The following FGF13 variants were observed in gnomAD, a reference collection of about 807,000 sequenced individuals.
FGF13 encodes the protein fibroblast growth factor 13.
A neutral mutation model predicts 19.5 loss-of-function variants in FGF13; 2 were observed. That is an observed-to-expected ratio of 0.10 (90% CI 0.04 to 0.32). FGF13 has a LOEUF of 0.32. Ranked by LOEUF, FGF13 falls within the 10% of genes least tolerant of loss-of-function variation. FGF13 has a pLI of 1.00. For missense variants in FGF13, 113 were observed against 192.7 expected, an observed-to-expected ratio of 0.59 and a Z score of 2.45; for synonymous variants, 72 against 76.9, an observed-to-expected ratio of 0.94 and a Z score of 0.33.
intron 3 of FGF13, among the ~76,000 whole-genome samples, chrX:138,811,501 G>A (rs181685549): frequency 1.8e-5 from 2 of 110,582 alleles, no homozygotes; most frequent in Non-Finnish European, 3.8e-5. Flanking sequence ...TGTAAATGAC[G>A]AGTTAATGGG....
intron 1 of FGF13, among the ~76,000 whole-genome samples, chrX:138,938,591 C>T (rs927533701): frequency 8.1e-5 from 9 of 111,348 alleles, no homozygotes; most frequent in African/African-American, 2.6e-4. Flanking sequence ...TTATGCTACC[C>T]TCTGTTTGCT....
At chrX:138,904,238 G>T (rs1180041501) in intron 1 of FGF13, among the ~76,000 whole-genome samples, 1 of 111,510 alleles carries the variant, frequency 9.0e-6, no homozygotes, top group Non-Finnish European at 1.9e-5. Flanking sequence ...GCACAAATAA[G>T]ATTTCAAAGA....
chrX:138,654,068 C>A (rs190345295), intron 3 of FGF13, among the ~76,000 whole-genome samples: 90 of 110,926 alleles, frequency 8.1e-4, no homozygotes, highest in African/African-American at 2.8e-3. Context: ...ATAATTAGAA[C>A]CCAGTCGGGT....
In FGF13 at chrX:138,643,017, A is replaced by C. The variant is rs143072986; in HGVS notation, c.403-7362T>G. On this transcript the variant is annotated intron_variant, in intron 3 of 4. Transcript: ENST00000315930. ...GACTTTCTATATTCCTAGATATTTCATAGATATTTTAATTTACCTTATGTT... is the reference window on the plus strand; with the variant it reads ...GACTTTCTATATTCCTAGATATTTCCTAGATATTTTAATTTACCTTATGTT... Among the ~76,000 whole-genome samples the C allele has an allele frequency of 6.6e-3, 741 of 112,360 alleles. 9 individuals are homozygous for C. The highest frequency in any genetic ancestry group is 0.022 in the African/African-American group (696 of 30,950).
chrX:139,048,293 A>G lies in FGF13; in HGVS notation c.-113+155123T>C, dbSNP rs183128073. ...GCAGCAGATTCCCACAAATACCTGG[A>G]TCTGTATTCTCCATTCTGTTCCACT... On this transcript the variant is annotated intron_variant, in intron 1 of 2. Coordinates refer to the FGF13 transcript ENST00000421460. Among the ~76,000 whole-genome samples the G allele has an allele frequency of 3.1e-4, 35 of 111,372 alleles. 2 individuals are homozygous for G. The highest frequency in any genetic ancestry group is 1.1e-3 in the African/African-American group (35 of 30,667).
At chrX:138,818,188 G>C (rs2090974207) in intron 3 of FGF13, among the ~76,000 whole-genome samples, 1 of 111,155 alleles carries the variant, frequency 9.0e-6, no homozygotes, top group Non-Finnish European at 1.9e-5. Flanking sequence ...CTACATATTT[G>C]ATTTCTCAGA....
intron 1 of FGF13, among the ~76,000 whole-genome samples, chrX:139,151,674 A>G (rs2083935681): frequency 8.9e-6 from 1 of 112,390 alleles, no homozygotes; most frequent in African/African-American, 3.2e-5. Context: ...GCTATTAAAT[A>G]TTACAAATTT....
intron 3 of FGF13, among the ~76,000 whole-genome samples, chrX:138,669,353 G>T (rs188922551): frequency 1.7e-3 from 188 of 111,105 alleles, no homozygotes; most frequent in African/African-American, 6.0e-3. Context: ...AAATCCTACA[G>T]TTATTGTAGT....
chrX:138,894,887 G>T (rs986443845), intron 1 of FGF13, among the ~76,000 whole-genome samples: 3 of 111,849 alleles, frequency 2.7e-5, no homozygotes, highest in African/African-American at 9.7e-5. Flanking sequence ...CAATATCCCT[G>T]ATGAACACTG....
chrX:139,084,767 C>A (rs2083393200), intron 1 of FGF13, among the ~76,000 whole-genome samples: 1 of 112,370 alleles, frequency 8.9e-6, no homozygotes, highest in Non-Finnish European at 1.9e-5. Flanking sequence ...CACAAGCTAT[C>A]ATTTGTTCCT....
chrX:139,183,646 C>T (rs987109500), intron 1 of FGF13, among the ~76,000 whole-genome samples: 1 of 111,883 alleles, frequency 8.9e-6, no homozygotes, highest in Non-Finnish European at 1.9e-5. Context: ...GTAAACTTCC[C>T]GAGGCCTTGC....
At chrX:139,076,030 A>G (rs967259517) in intron 1 of FGF13, among the ~76,000 whole-genome samples, 1 of 110,424 alleles carries the variant, frequency 9.1e-6, no homozygotes, top group African/African-American at 3.3e-5. Context: ...TTCTTAAAGT[A>G]CCTTCATTTA....
chrX:139,084,167 G>T (rs1739244783), intron 1 of FGF13, among the ~76,000 whole-genome samples: 1 of 110,085 alleles, frequency 9.1e-6, no homozygotes, highest in Non-Finnish European at 1.9e-5. Context: ...TATGATAATG[G>T]AGAAAAAGAA....
At chrX:139,141,022 A>C (rs2083838819) in intron 1 of FGF13, among the ~76,000 whole-genome samples, 3 of 107,275 alleles carry the variant, frequency 2.8e-5, no homozygotes, top group African/African-American at 1.0e-4. Context: ...CTTTTCCTCG[A>C]GGTCTTTCCT....
At chrX:139,199,722 C>T (rs1017560767) in intron 1 of FGF13, among the ~76,000 whole-genome samples, 1 of 111,241 alleles carries the variant, frequency 9.0e-6, no homozygotes, top group Non-Finnish European at 1.9e-5. Context: ...TGCTTCTTAC[C>T]CAGGCCCCAA....
intron 1 of FGF13, among the ~76,000 whole-genome samples, chrX:139,031,329 CCA>C (rs1331476644): frequency 9.0e-6 from 1 of 111,362 alleles, no homozygotes; most frequent in Non-Finnish European, 1.9e-5. Context: ...AAAGGATGAA[CCA>C]ACAGAGAATC....
intron 1 of FGF13, among the ~76,000 whole-genome samples, chrX:138,963,662 T>C (rs1423977006): frequency 8.9e-6 from 1 of 112,342 alleles, no homozygotes; most frequent in Non-Finnish European, 1.9e-5. Flanking sequence ...AGGCTAGTCT[T>C]GAATTCCTGG....
chrX:139,138,066 CAAT>C (rs2083814123), intron 1 of FGF13, among the ~76,000 whole-genome samples: 1 of 112,414 alleles, frequency 8.9e-6, no homozygotes, highest in African/African-American at 3.2e-5. Context: ...TCATCATAAA[CAAT>C]AATAACAATA....
chrX:139,148,977 T>C (rs973355131), intron 1 of FGF13, among the ~76,000 whole-genome samples: 2 of 111,352 alleles, frequency 1.8e-5, no homozygotes, highest in Non-Finnish European at 3.8e-5. Flanking sequence ...TTGCCCCCAA[T>C]ACCAAATCTT....
Sources: gnomAD v4.1 joint callset for allele counts (sites outside exome capture counted in the v4.1 genomes callset) on GRCh38, gnomAD v4.1.1 for gene constraint, MANE v1.5 for transcripts, NCBI Gene and HGNC (gene_info 2026-07-23, HGNC 2026-07-21) for gene names.